CSMD1: variants seen among roughly 807,000 people sequenced by gnomAD.
CSMD1 encodes the protein CUB and Sushi multiple domains 1, also known as CUB and sushi domain-containing protein 1.
In CSMD1, 213 loss-of-function variants were observed where a neutral mutation model predicts 417.5. That is an observed-to-expected ratio of 0.51 (90% confidence interval 0.46 to 0.57). The LOEUF (loss-of-function observed/expected upper bound fraction) is 0.57, where lower values mean the gene tolerates loss of function less well. Among genes scored for constraint, CSMD1 ranks in the 20% least tolerant of loss-of-function variants. The pLI, the probability that CSMD1 is intolerant of heterozygous loss-of-function variation, is 0.00. For missense variants in CSMD1, 6,923 were observed against 4,529.7 expected, an observed-to-expected ratio of 1.53 and a Z score of -15.17; for synonymous variants, 2,862 against 1,736.8, an observed-to-expected ratio of 1.65 and a Z score of -16.11.
intron 3 of CSMD1, among the ~76,000 whole-genome samples, chr8:4,302,967 G>T (rs1390056717): frequency 6.6e-5 from 10 of 151,954 alleles, no homozygotes; most frequent in Non-Finnish European, 1.3e-4. Flanking sequence ...ACTGTGACCA[G>T]AAGTTCAGCC....
At chr8:3,815,362 A>G (rs1334725338) in intron 5 of CSMD1, among the ~76,000 whole-genome samples, 2 of 152,208 alleles carry the variant, frequency 1.3e-5, no homozygotes, top group East Asian at 3.9e-4. Flanking sequence ...GGAGTTAGAG[A>G]ACTGTGTTAA....
rs141757558 is a variant in CSMD1 at position 2,946,569 on chromosome 8, C to G, written c.10402+2730G>C. ...ATCCTTGTTGTAGGATTCTTCAATA[C>G]TTTATTCTTCTTCAGTGCTGACTAA... On this transcript the variant is annotated intron_variant, in intron 68 of 69. Coordinates refer to ENST00000635120, the MANE Select transcript of CSMD1 (RefSeq NM_033225.6). Among the ~76,000 whole-genome samples, 249 of 152,282 alleles carry G rather than the reference C, an allele frequency of 1.6e-3. 1 individual carries two copies. The Middle Eastern group carries it at 0.017, about 10-fold the overall frequency.
At chr8:4,256,401 C>G (rs1269929675) in intron 3 of CSMD1, among the ~76,000 whole-genome samples, 1 of 152,172 alleles carries the variant, frequency 6.6e-6, no homozygotes, top group East Asian at 1.9e-4. Flanking sequence ...CTGAATTTCT[C>G]TTTTCTCCTC....
intron 5 of CSMD1, among the ~76,000 whole-genome samples, chr8:3,923,233 G>C (rs1252719944): frequency 6.6e-6 from 1 of 152,092 alleles, no homozygotes; most frequent in Non-Finnish European, 1.5e-5. Flanking sequence ...TCCTTGTCTG[G>C]TGGTGAATCT....
At chr8:3,603,968 C>A (rs1451048676) in intron 8 of CSMD1, among the ~76,000 whole-genome samples, 1 of 152,114 alleles carries the variant, frequency 6.6e-6, no homozygotes, top group Admixed American at 6.5e-5. Context: ...TACAAGTTTA[C>A]CTGTAAATGA....
intron 26 of CSMD1, among the ~76,000 whole-genome samples, chr8:3,231,858 T>C (rs1386978939): frequency 2.0e-5 from 3 of 152,204 alleles, no homozygotes; most frequent in African/African-American, 7.2e-5. Flanking sequence ...AAAATTAGAC[T>C]AATATCTAAG....
intron 3 of CSMD1, among the ~76,000 whole-genome samples, chr8:4,245,164 A>T (rs991227153): frequency 1.3e-5 from 2 of 152,178 alleles, no homozygotes; most frequent in Admixed American, 6.5e-5. Flanking sequence ...TCAGAATCTC[A>T]TTCCCCATCT....
rs1262042827 is a variant in CSMD1 at position 3,408,175 on chromosome 8, T to G, written c.1795A>C (p.Asn599His). 1.9e-6 allele frequency: 3 copies of G among 1,612,630 alleles called. No homozygotes were observed. The East Asian group carries it at 6.7e-5, about 36-fold the overall frequency. Residue 599 changes from asparagine to histidine, a missense_variant, in exon 14 of 70, where the codon AAT (asparagine) becomes CAT (histidine). Asn to His is a moderately conservative substitution (Grantham distance 68, BLOSUM62 1). Coordinates refer to ENST00000635120, the MANE Select transcript of CSMD1 (RefSeq NM_033225.6). ...TASSGIILSP[N>H]YPEEYGNNMN... The stretch of plus-strand genomic sequence containing the variant: ...TTGTTCCCATATTCCTCTGGATAAT[T>G]TGGTGACAGAATAATCCCAGATGAT...
chr8:3,151,587 C>T (rs1819199500), intron 39 of CSMD1, 74 bp from the exon 40 acceptor site: 1 of 884,720 alleles, frequency 1.1e-6, no homozygotes, highest in Non-Finnish European at 1.8e-6. Flanking sequence ...ACCTGCTTCA[C>T]TCAACTATGC....
At chr8:4,894,559 GAAAAAAA>G (rs56868930) in intron 1 of CSMD1, among the ~76,000 whole-genome samples, 1,112 of 31,598 alleles carry the variant, frequency 0.035, 15 homozygotes, top group Non-Finnish European at 0.069. Context: ...TCTCAAAAAA[GAAAAAAA>G]AAAAAAAAAG....
rs535222035 is a variant in CSMD1 at position 4,146,801 on chromosome 8, C to G, written c.416-114702G>C. ...TAATTTTTTGTATTTTTAGTAGAGACGAGTTTCACCGTGTTAGGCAGGATA... is the reference window on the plus strand; with the variant it reads ...TAATTTTTTGTATTTTTAGTAGAGAGGAGTTTCACCGTGTTAGGCAGGATA... On this transcript the variant is annotated intron_variant, in intron 3 of 69. Coordinates refer to ENST00000635120, the MANE Select transcript of CSMD1 (RefSeq NM_033225.6). Among the ~76,000 whole-genome samples, 4 of 149,082 alleles carry G rather than the reference C, an allele frequency of 2.7e-5. 1 individual carries two copies. The highest frequency in any genetic ancestry group is 1.0e-4 in the African/African-American group (4 of 39,196).
At position 4,882,631 on chromosome 8, in the gene CSMD1, G is replaced by C. The variant is rs1487718411; in HGVS notation, c.85+111701C>G. On this transcript the variant is annotated intron_variant, in intron 1 of 69. Coordinates refer to ENST00000635120, the MANE Select transcript of CSMD1 (RefSeq NM_033225.6). ...AATGAGGTATTCAACTATCCACCGG[G>C]TTTCCCATGCTCTGTGTACAACGTT... is the stretch of plus-strand genomic sequence containing the variant. Among the ~76,000 whole-genome samples, 6 of 151,864 alleles carry C rather than the reference G, an allele frequency of 4.0e-5. 1 individual carries two copies. The highest frequency in any genetic ancestry group is 1.3e-4 in the Admixed American group (2 of 15,254).
intron 42 of CSMD1, among the ~76,000 whole-genome samples, chr8:3,116,964 T>C (rs987657558): frequency 6.6e-6 from 1 of 152,166 alleles, no homozygotes; most frequent in African/African-American, 2.4e-5. Flanking sequence ...CCTTATTTTA[T>C]AAAATTAATT....
chr8:4,192,137 G>A (rs1041702616), intron 3 of CSMD1, among the ~76,000 whole-genome samples: 20 of 152,188 alleles, frequency 1.3e-4, no homozygotes, highest in Admixed American at 1.2e-3. Flanking sequence ...AATATGACGC[G>A]TCTTCACTCC....
intron 12 of CSMD1, among the ~76,000 whole-genome samples, chr8:3,453,171 C>T (rs1157292588): frequency 1.3e-5 from 2 of 151,808 alleles, no homozygotes; most frequent in African/African-American, 4.8e-5. Flanking sequence ...ATATCCCCTT[C>T]ATTTTTTATT....
At chr8:4,555,202 G>A (rs972804560) in intron 2 of CSMD1, among the ~76,000 whole-genome samples, 1 of 152,206 alleles carries the variant, frequency 6.6e-6, no homozygotes, top group Non-Finnish European at 1.5e-5. Context: ...GTAGGAATAA[G>A]AATGAATGCA....
At chr8:3,662,445 G>T (rs1585036587) in intron 7 of CSMD1, among the ~76,000 whole-genome samples, 1 of 152,212 alleles carries the variant, frequency 6.6e-6, no homozygotes, top group African/African-American at 2.4e-5. Context: ...ATTATTGATG[G>T]GCATTTGGGT....
chr8:3,236,328 C>G (rs921619345), intron 26 of CSMD1, among the ~76,000 whole-genome samples: 1 of 151,978 alleles, frequency 6.6e-6, no homozygotes, highest in Admixed American at 6.6e-5. Context: ...CTAAGGCTTA[C>G]TTAAGTTTAA....
chr8:4,183,315 T>G (rs969180104), intron 3 of CSMD1, among the ~76,000 whole-genome samples: 1 of 152,168 alleles, frequency 6.6e-6, no homozygotes, highest in Non-Finnish European at 1.5e-5. Flanking sequence ...TTAAATATAT[T>G]TAAAATAATT....
Sources: gnomAD v4.1 joint callset for allele counts (sites outside exome capture counted in the v4.1 genomes callset) on GRCh38, gnomAD v4.1.1 for gene constraint, MANE v1.5 for transcripts, NCBI Gene and HGNC (gene_info 2026-07-23, HGNC 2026-07-21) for gene names.